SHC3: variants seen among roughly 807,000 people sequenced by gnomAD.
SHC3 encodes the protein SHC adaptor protein 3.
A neutral mutation model predicts 60.4 loss-of-function variants in SHC3; 15 were observed. That is an observed-to-expected ratio of 0.25 (90% CI 0.17 to 0.38). The LOEUF is 0.38. Ranked by LOEUF, SHC3 falls within the 10% of genes least tolerant of loss-of-function variation. The pLI is 1.00. For synonymous variants in SHC3, 294 were observed against 325.9 expected, an observed-to-expected ratio of 0.90 and a Z score of 1.05; for missense variants, 677 against 786.1, an observed-to-expected ratio of 0.86 and a Z score of 1.66.
At chr9:89,165,278 G>GTT (rs963574299) in intron 1 of SHC3, among the ~76,000 whole-genome samples, 1 of 152,018 alleles carries the variant, frequency 6.6e-6, no homozygotes, top group Non-Finnish European at 1.5e-5. Context: ...GTGTGTGTGT[G>GTT]TGTGTGTTTT....
At chr9:89,161,261 G>C (rs879516670) in intron 1 of SHC3, among the ~76,000 whole-genome samples, 2 of 152,156 alleles carry the variant, frequency 1.3e-5, no homozygotes, top group Non-Finnish European at 1.5e-5. Context: ...CTGTTCTGGC[G>C]ATAGCAAGTG....
intron 1 of SHC3, among the ~76,000 whole-genome samples, chr9:89,161,135 C>T (rs1425595716): frequency 6.6e-6 from 1 of 152,142 alleles, no homozygotes; most frequent in East Asian, 1.9e-4. Context: ...ACCCAAATCT[C>T]ATGTTGAAAT....
intron 2 of SHC3, among the ~76,000 whole-genome samples, chr9:89,099,189 G>T (rs1360119719): frequency 6.6e-6 from 1 of 152,120 alleles, no homozygotes; most frequent in Non-Finnish European, 1.5e-5. Context: ...AAAAAATATA[G>T]CCAATAAGAT....
intron 11 of SHC3, among the ~76,000 whole-genome samples, chr9:89,021,488 GA>G (rs1160164989): frequency 6.6e-6 from 1 of 152,188 alleles, no homozygotes; most frequent in Non-Finnish European, 1.5e-5. Context: ...TCACCTCTGG[GA>G]AAGCACAGCT....
At chr9:89,134,620 A>AT (rs1313846438) in intron 1 of SHC3, among the ~76,000 whole-genome samples, 3 of 152,120 alleles carry the variant, frequency 2.0e-5, no homozygotes, top group Non-Finnish European at 4.4e-5. Context: ...TGTGACTTTA[A>AT]TAGTGGCTGT....
chr9:89,090,687 G>C (rs1825608335), intron 2 of SHC3, among the ~76,000 whole-genome samples: 1 of 152,194 alleles, frequency 6.6e-6, no homozygotes, highest in Non-Finnish European at 1.5e-5. Context: ...CCAGGGTGCA[G>C]CCACAGAGAA....
At chr9:89,128,976 T>C (rs1826203310) in intron 1 of SHC3, among the ~76,000 whole-genome samples, 1 of 152,152 alleles carries the variant, frequency 6.6e-6, no homozygotes, top group African/African-American at 2.4e-5. Flanking sequence ...AGGAGGATGT[T>C]CGAACCCATC....
chr9:89,177,350 A>G (rs1826955504), intron 1 of SHC3, among the ~76,000 whole-genome samples: 1 of 152,222 alleles, frequency 6.6e-6, no homozygotes, highest in South Asian at 2.1e-4. Context: ...TACAGTCACC[A>G]GAAAAATAGT....
At chr9:89,130,172 C>G (rs957577993) in intron 1 of SHC3, among the ~76,000 whole-genome samples, 1 of 152,092 alleles carries the variant, frequency 6.6e-6, no homozygotes, top group African/African-American at 2.4e-5. Flanking sequence ...ACAAAGAAGG[C>G]CATTACATAA....
intron 2 of SHC3, chr9:89,109,358 C>G (rs980271989): frequency 2.1e-6 from 2 of 945,674 alleles, no homozygotes; most frequent in Non-Finnish European, 2.5e-6. Flanking sequence ...GGAAGTCCAG[C>G]GAGGGTGCAC....
At chr9:89,142,673 CAA>C (rs769333860) in intron 1 of SHC3, among the ~76,000 whole-genome samples, 14,572 of 83,466 alleles carry the variant, frequency 0.17, 813 homozygotes, top group Admixed American at 0.25. Flanking sequence ...GAGACTCTGT[CAA>C]AAAAAAAAAA....
At chr9:89,168,815 G>T (rs1243103193) in intron 1 of SHC3, among the ~76,000 whole-genome samples, 1 of 152,158 alleles carries the variant, frequency 6.6e-6, no homozygotes, top group Non-Finnish European at 1.5e-5. Flanking sequence ...AATTTGTGTG[G>T]CCCTTGTCCA....
Position 89,009,667 on chromosome 9 carries a change from G to T in SHC3, c.*3780C>A, listed in dbSNP as rs963964166. The T allele has an allele frequency of 6.6e-6, 1 of 152,280 alleles. No homozygotes were observed. The highest frequency in any genetic ancestry group is 1.5e-5 in the Non-Finnish European group (1 of 68,102). The allele number at this position is 152,280 out of a possible 1,614,324, so 9.4% of individuals were successfully genotyped here. A position where few individuals can be genotyped will look rare whatever the true frequency, so the allele number is the denominator to read the frequency against. On this transcript the variant is annotated 3_prime_UTR_variant, in exon 12 of 12. Coordinates refer to ENST00000375835, the MANE Select transcript of SHC3 (RefSeq NM_016848.6). ...CCGTTCTGGGTGTGCCAGGGTGGAG[G>T]CTGGATGGAGGTATCTACTCGTGGC...
At chr9:89,074,928 G>C (rs1825332377) in intron 4 of SHC3, among the ~76,000 whole-genome samples, 181 bp downstream of exon 4, 2 of 151,792 alleles carry the variant, frequency 1.3e-5, no homozygotes, top group African/African-American at 2.4e-5. Flanking sequence ...CAGAATTAAA[G>C]AGAGCCAATT....
At chr9:89,026,925 A>G (rs1048011610) in intron 11 of SHC3, among the ~76,000 whole-genome samples, 1 of 152,172 alleles carries the variant, frequency 6.6e-6, no homozygotes, top group African/African-American at 2.4e-5. Flanking sequence ...TTGCTTCTGG[A>G]TCTCACTTCC....
chr9:89,067,550 C>T (rs748867505), intron 5 of SHC3, among the ~76,000 whole-genome samples: 6 of 152,152 alleles, frequency 3.9e-5, no homozygotes, highest in Non-Finnish European at 5.9e-5. Context: ...GAAAAGGACA[C>T]AGGGTAGATT....
chr9:89,061,840 A>T (rs1379262900), intron 6 of SHC3, among the ~76,000 whole-genome samples: 1 of 152,190 alleles, frequency 6.6e-6, no homozygotes, highest in Non-Finnish European at 1.5e-5. Flanking sequence ...CATATGCTAC[A>T]TGCCTGGCAC....
intron 1 of SHC3, among the ~76,000 whole-genome samples, chr9:89,120,059 G>A (rs1300274451): frequency 6.6e-6 from 1 of 152,162 alleles, no homozygotes; most frequent in Non-Finnish European, 1.5e-5. Flanking sequence ...TGTTACTGTG[G>A]TGTAGAATGG....
In SHC3 at chr9:89,013,474, G is replaced by A; in HGVS notation, c.1758C>T (p.Leu586=). 6.2e-7 allele frequency: 1 copy of A among 1,613,676 alleles called. No homozygotes were observed. The highest frequency in any genetic ancestry group is 8.5e-7 in the Non-Finnish European group (1 of 1,179,782). ...PIVSAGSELC[L]QQPVERKQ is the part of the protein sequence containing the mutation. ...ACTGCTTCCTCTCCACTGGCTGCTG[G>A]AGACACAGCTCACTCCCTGCAGAGA... Residue 586 remains leucine (L), a synonymous_variant, in exon 12 of 12, where the codon CTC becomes CTT. Coordinates refer to ENST00000375835, the MANE Select transcript of SHC3 (RefSeq NM_016848.6).
Sources: gnomAD v4.1 joint callset for allele counts (sites outside exome capture counted in the v4.1 genomes callset) on GRCh38, gnomAD v4.1.1 for gene constraint, MANE v1.5 for transcripts, NCBI Gene and HGNC (gene_info 2026-07-23, HGNC 2026-07-21) for gene names.